PKNOX2: variants seen among roughly 807,000 people sequenced by gnomAD.
The protein encoded by PKNOX2 is PBX/knotted 1 homeobox 2.
PKNOX2 carries 14 observed loss-of-function variants against 53.1 expected under a neutral mutation model. The ratio of observed to expected loss-of-function variants is 0.26; its 90% CI spans 0.17 to 0.41. The LOEUF is 0.41. Among genes scored for constraint, PKNOX2 ranks in the 10% least tolerant of loss-of-function variants. The pLI is 1.00. For synonymous variants in PKNOX2, 257 were observed against 242.8 expected, an observed-to-expected ratio of 1.06 and a Z score of -0.54; for missense variants, 496 against 602.8, an observed-to-expected ratio of 0.82 and a Z score of 1.85.
chr11:125,222,967 C>A (rs1176246665), intron 1 of PKNOX2, among the ~76,000 whole-genome samples: 1 of 152,104 alleles, frequency 6.6e-6, no homozygotes, highest in Non-Finnish European at 1.5e-5. Flanking sequence ...ACCAGACAAC[C>A]TACAGGAAGA....
chr11:125,339,977 A>G (rs111947011), intron 3 of PKNOX2, among the ~76,000 whole-genome samples: 18 of 152,220 alleles, frequency 1.2e-4, no homozygotes, highest in African/African-American at 4.3e-4. Context: ...AACGTTTTCC[A>G]TCTTCGTCTC....
At position 125,206,827 on chromosome 11, in the gene PKNOX2, TA is replaced by T. The variant is rs1288359964; in HGVS notation, c.-200-28217del. On this transcript the variant is annotated intron_variant, in intron 1 of 12. Coordinates refer to ENST00000298282, the MANE Select transcript of PKNOX2 (RefSeq NM_001382323.2). ...ATGAAGGGATTTCAGGTGAGTGACT[TA>T]GACAGGTTGTGTTTTAGAAGGATCA... is the stretch of plus-strand genomic sequence containing the variant. 2.0e-5 allele frequency among the ~76,000 whole-genome samples: 3 copies of T among 152,058 alleles called. 1 individual carries two copies. Among genetic ancestry groups the T allele is most frequent in the Middle Eastern group, 6.8e-3 (2 of 294 alleles).
intron 3 of PKNOX2, among the ~76,000 whole-genome samples, chr11:125,333,098 CTG>C (rs1950229285): frequency 1.3e-5 from 2 of 152,170 alleles, no homozygotes; most frequent in African/African-American, 2.4e-5. Context: ...CATTTGGAGT[CTG>C]TGTAGCAGAG....
At chr11:125,360,470 C>T (rs1033273019) in intron 4 of PKNOX2, among the ~76,000 whole-genome samples, 1 of 152,198 alleles carries the variant, frequency 6.6e-6, no homozygotes, top group African/African-American at 2.4e-5. Flanking sequence ...ATTAATAGCT[C>T]CATTTTTACC....
At chr11:125,250,534 C>T (rs1943918150) in intron 2 of PKNOX2, among the ~76,000 whole-genome samples, 1 of 152,142 alleles carries the variant, frequency 6.6e-6, no homozygotes, top group Admixed American at 6.5e-5. Flanking sequence ...GGAGCTGTGC[C>T]AGACCCCACT....
At chr11:125,312,612 C>A (rs1394277760) in intron 2 of PKNOX2, among the ~76,000 whole-genome samples, 1 of 152,162 alleles carries the variant, frequency 6.6e-6, no homozygotes, top group Non-Finnish European at 1.5e-5. Context: ...GGCAGACCCA[C>A]CGCACCCTGC....
intron 1 of PKNOX2, among the ~76,000 whole-genome samples, chr11:125,208,920 C>T (rs1260620025): frequency 6.6e-6 from 1 of 151,902 alleles, no homozygotes; most frequent in Non-Finnish European, 1.5e-5. Flanking sequence ...AGTACTTGGC[C>T]ACCTCAATGG....
At chr11:125,223,982 T>C (rs2135515958) in intron 1 of PKNOX2, among the ~76,000 whole-genome samples, 1 of 152,370 alleles carries the variant, frequency 6.6e-6, no homozygotes, top group South Asian at 2.1e-4. Context: ...AAGAAGGGCC[T>C]CTTGTTACTG....
chr11:125,360,885 T>A (rs1227792126), intron 4 of PKNOX2, among the ~76,000 whole-genome samples: 4 of 152,170 alleles, frequency 2.6e-5, no homozygotes, highest in Admixed American at 6.5e-5. Context: ...GAACCCTGGT[T>A]GAAAAAGGTT....
intron 9 of PKNOX2, 83 bp from the exon 10 acceptor site, chr11:125,411,663 G>A: frequency 6.2e-7 from 1 of 1,607,060 alleles, no homozygotes; most frequent in Non-Finnish European, 8.5e-7. Context: ...TGGCAGCCAA[G>A]CCTGCCGTCG....
chr11:125,189,445 G>GTATATATA (rs1956715874), intron 1 of PKNOX2, among the ~76,000 whole-genome samples: 5 of 50,584 alleles, frequency 9.9e-5, no homozygotes, highest in Non-Finnish European at 1.5e-4. Context: ...GTGTGTGTGT[G>GTATATATA]TGTATATATA....
intron 2 of PKNOX2, among the ~76,000 whole-genome samples, chr11:125,265,488 CCA>C (rs1246172947): frequency 6.6e-6 from 1 of 152,188 alleles, no homozygotes; most frequent in African/African-American, 2.4e-5. Flanking sequence ...CCAATTCCTG[CCA>C]CACACCTGAC....
chr11:125,233,252 T>G lies in PKNOX2; in HGVS notation c.-200-1793T>G, dbSNP rs372680467. On this transcript the variant is annotated intron_variant, in intron 1 of 12. Coordinates refer to ENST00000298282, the MANE Select transcript of PKNOX2 (RefSeq NM_001382323.2). The stretch of plus-strand genomic sequence containing the variant: ...TCATGTGCACCTGAAAAGTTGGCCA[T>G]ATCTTCTTTCAAGTCACAGGTGTCT... Among the ~76,000 whole-genome samples the G allele has an allele frequency of 1.2e-4, 19 of 152,336 alleles. No homozygotes were observed. In the East Asian group the frequency reaches 2.7e-3, roughly 22 times the overall value.
At chr11:125,411,699 G>A in intron 9 of PKNOX2, 47 bp from the exon 10 acceptor site, 1 of 1,613,162 alleles carries the variant, frequency 6.2e-7, no homozygotes, top group Middle Eastern at 1.6e-4. Flanking sequence ...CCCAGCCGCT[G>A]CCCTCACAGG....
At chr11:125,234,022 C>G (rs544207944) in intron 1 of PKNOX2, among the ~76,000 whole-genome samples, 1 of 152,328 alleles carries the variant, frequency 6.6e-6, no homozygotes, top group South Asian at 2.1e-4. Context: ...CTGCGTCATC[C>G]CAGGACCCTC....
At chr11:125,346,949 G>C (rs1225187576) in intron 3 of PKNOX2, among the ~76,000 whole-genome samples, 1 of 152,118 alleles carries the variant, frequency 6.6e-6, no homozygotes, top group East Asian at 1.9e-4. Context: ...GGGCCTGAAG[G>C]CTTCTAGCTT....
rs577812848 is a variant in PKNOX2 at position 125,280,037 on chromosome 11, T to C, written c.-130+44922T>C. Among the ~76,000 whole-genome samples the C allele has an allele frequency of 2.0e-5, 3 of 151,130 alleles. No homozygotes were observed. In the South Asian group the frequency reaches 6.3e-4, roughly 31 times the overall value. On this transcript the variant is annotated intron_variant, in intron 2 of 12. Transcript: ENST00000298282. ...TAAAGGAACTGTTATGAAGAAATAA[T>C]ATCCAACTGAGCTGGAAGATACCCA...
intron 2 of PKNOX2, among the ~76,000 whole-genome samples, chr11:125,294,099 C>A (rs1947496677): frequency 6.6e-6 from 1 of 152,238 alleles, no homozygotes; most frequent in Non-Finnish European, 1.5e-5. Flanking sequence ...AACTTCCTAA[C>A]ATCACTATTC....
chr11:125,328,356 A>G lies in PKNOX2; in HGVS notation c.-129-3463A>G, dbSNP rs539851654. On this transcript the variant is annotated intron_variant, in intron 2 of 12. Coordinates refer to ENST00000298282, the MANE Select transcript of PKNOX2 (RefSeq NM_001382323.2). ...GGGGGAGAGAGAGAGAAAGAGAGAG[A>G]GTGAGTGAGAGAGAGAGAGAGAGTG... 7.4e-3 allele frequency among the ~76,000 whole-genome samples: 1,059 copies of G among 143,130 alleles called. 14 individuals are homozygous for G. The highest frequency in any genetic ancestry group is 0.029 in the African/African-American group (1,003 of 34,184). 93.9% of individuals were successfully genotyped at this position (143,130 alleles called of 152,430 possible). A position where few individuals can be genotyped will look rare whatever the true frequency, so the allele number is the denominator to read the frequency against.
Sources: allele counts gnomAD v4.1 joint callset (sites outside exome capture counted in the v4.1 genomes callset), GRCh38; gene constraint gnomAD v4.1.1; transcripts MANE v1.5; gene names NCBI Gene and HGNC (gene_info 2026-07-23, HGNC 2026-07-21).